PIP4P2: variants seen among roughly 807,000 people sequenced by gnomAD.
PIP4P2 encodes the protein type 2 phosphatidylinositol 4,5-bisphosphate 4-phosphatase.
A neutral mutation model predicts 33.3 loss-of-function variants in PIP4P2; 19 were observed. The ratio of observed to expected loss-of-function variants is 0.57; its 90% confidence interval spans 0.40 to 0.84. The LOEUF (loss-of-function observed/expected upper bound fraction) is 0.84. Among genes scored for constraint, PIP4P2 ranks in the 40% least tolerant of loss-of-function variants. PIP4P2 has a pLI of 0.00. For missense variants in PIP4P2, 270 were observed against 324.7 expected (o/e 0.83, Z 1.29); for synonymous variants, 110 against 111.9 (o/e 0.98, Z 0.11).
At chr8:91,012,510 A>G (rs1244060240) in intron 4 of PIP4P2, among the ~76,000 whole-genome samples, 1 of 152,106 alleles carries the variant, frequency 6.6e-6, no homozygotes, top group African/African-American at 2.4e-5. Flanking sequence ...TCTCTCATTA[A>G]TCCAAAACTC....
chr8:90,997,036 T>A (rs1811637940), intron 5 of PIP4P2, among the ~76,000 whole-genome samples: 1 of 152,086 alleles, frequency 6.6e-6, no homozygotes. Context: ...TAAAAGTTTA[T>A]TTCCAAAAAA....
chr8:91,016,289 G>A (rs1811913461), intron 4 of PIP4P2, among the ~76,000 whole-genome samples: 1 of 151,748 alleles, frequency 6.6e-6, no homozygotes, highest in African/African-American at 2.4e-5. Context: ...TAAATAATAT[G>A]AAAAAACAAA....
intron 4 of PIP4P2, among the ~76,000 whole-genome samples, chr8:91,015,061 A>T (rs1431814196): frequency 6.6e-6 from 1 of 152,122 alleles, no homozygotes; most frequent in African/African-American, 2.4e-5. Context: ...GACCAGGAAC[A>T]CCAGGCACAG....
chr8:91,019,813 A>G (rs1457913763), intron 3 of PIP4P2, among the ~76,000 whole-genome samples: 1 of 151,912 alleles, frequency 6.6e-6, no homozygotes, highest in African/African-American at 2.4e-5. Flanking sequence ...CAATCCTCCC[A>G]CCTCAGCCTC....
At chr8:91,018,259 C>T (rs1811947601) in intron 4 of PIP4P2, 131 bp downstream of exon 4, 9 of 1,408,018 alleles carry the variant, frequency 6.4e-6, no homozygotes, top group East Asian at 4.7e-5. Context: ...GATTGTCTGC[C>T]TAAATAAGTC....
chr8:91,039,659 G>T (rs1812278804), intron 1 of PIP4P2, among the ~76,000 whole-genome samples: 1 of 152,086 alleles, frequency 6.6e-6, no homozygotes, highest in Non-Finnish European at 1.5e-5. Context: ...ATGCACTTAA[G>T]GAACATTTGC....
chr8:91,018,353 A>G, intron 4 of PIP4P2, 37 bp downstream of exon 4: 1 of 1,613,566 alleles, frequency 6.2e-7, no homozygotes, highest in African/African-American at 1.3e-5. Flanking sequence ...ATCATGACCT[A>G]TATTTACAGA....
At chr8:91,011,063 T>TAGAC (rs201495036) in intron 4 of PIP4P2, among the ~76,000 whole-genome samples, 10 of 125,884 alleles carry the variant, frequency 7.9e-5, no homozygotes, top group African/African-American at 2.6e-4. Flanking sequence ...GATAGATAGA[T>TAGAC]AGACAGATAG....
At chr8:91,030,289 T>C (rs1812146171) in intron 1 of PIP4P2, among the ~76,000 whole-genome samples, 1 of 151,768 alleles carries the variant, frequency 6.6e-6, no homozygotes, top group African/African-American at 2.4e-5. Flanking sequence ...GCAATGAGTA[T>C]GGTCTTAGGG....
chr8:91,036,383 A>C (rs909170235), intron 1 of PIP4P2, among the ~76,000 whole-genome samples: 2 of 152,152 alleles, frequency 1.3e-5, no homozygotes, highest in Admixed American at 6.5e-5. Context: ...TGTTCCCCAA[A>C]ACTCGGTCCT....
intron 5 of PIP4P2, among the ~76,000 whole-genome samples, chr8:90,997,717 T>C (rs763807413): frequency 1.5e-4 from 23 of 152,120 alleles, no homozygotes; most frequent in Non-Finnish European, 3.1e-4. Flanking sequence ...CACAGAAGTA[T>C]CTGATTCACC....
chr8:90,999,225 A>C (rs1029377192), intron 5 of PIP4P2, among the ~76,000 whole-genome samples: 18 of 152,130 alleles, frequency 1.2e-4, no homozygotes, highest in Non-Finnish European at 7.4e-5. Flanking sequence ...ACCATCTCCC[A>C]CCAGTCAGAA....
intron 1 of PIP4P2, among the ~76,000 whole-genome samples, chr8:91,033,536 A>C (rs1251152233): frequency 6.6e-6 from 1 of 152,088 alleles, no homozygotes; most frequent in African/African-American, 2.4e-5. Context: ...GTCATGTCTC[A>C]TTAGTCTGTT....
At chr8:91,039,922 T>C (rs1812281589) in intron 1 of PIP4P2, among the ~76,000 whole-genome samples, 1 of 152,196 alleles carries the variant, frequency 6.6e-6, no homozygotes, top group South Asian at 2.1e-4. Context: ...ATTATTAATT[T>C]GGGTTACTTT....
At position 91,030,312 on chromosome 8, in the gene PIP4P2, A is replaced by G. The variant is rs139176974; in HGVS notation, c.107-8908T>C. 1.7e-4 allele frequency among the ~76,000 whole-genome samples: 26 copies of G among 152,228 alleles called. No individual in the cohort carries two copies. The East Asian group carries it at 5.0e-3, about 29-fold the overall frequency. ...TATGGTCTTAGGGAAAAGTGTATAG[A>G]TAGTAATAGATCTTCCATCTCAAAA... On this transcript the variant is annotated intron_variant, in intron 1 of 6. Transcript: ENST00000285419.
intron 1 of PIP4P2, among the ~76,000 whole-genome samples, chr8:91,037,935 G>A (rs185250218): frequency 1.1e-3 from 175 of 152,216 alleles, no homozygotes; most frequent in African/African-American, 3.7e-3. Context: ...CCTTTCAGAT[G>A]AGCCTAAAAC....
intron 5 of PIP4P2, among the ~76,000 whole-genome samples, chr8:91,007,641 G>A (rs1290324312): frequency 6.6e-6 from 1 of 152,158 alleles, no homozygotes; most frequent in African/African-American, 2.4e-5. Flanking sequence ...AATAGATGCA[G>A]TGCAGAAAAG....
intron 1 of PIP4P2, among the ~76,000 whole-genome samples, chr8:91,033,571 G>A (rs1470632422): frequency 6.6e-6 from 1 of 152,084 alleles, no homozygotes; most frequent in African/African-American, 2.4e-5. Flanking sequence ...AACCAAGGGT[G>A]ATTTTTTTAA....
At chr8:90,999,082 C>G (rs906127612) in intron 5 of PIP4P2, among the ~76,000 whole-genome samples, 1 of 151,800 alleles carries the variant, frequency 6.6e-6, no homozygotes, top group Non-Finnish European at 1.5e-5. Flanking sequence ...AAAAAACCAG[C>G]CCATTAAAAA....
Sources: allele counts gnomAD v4.1 joint callset (sites outside exome capture counted in the v4.1 genomes callset), GRCh38; gene constraint gnomAD v4.1.1; transcripts MANE v1.5; gene names NCBI Gene and HGNC (gene_info 2026-07-23, HGNC 2026-07-21).